DCTN4: variants seen among roughly 807,000 people sequenced by gnomAD.
DCTN4 encodes dynactin 4 (p62).
DCTN4 carries 23 observed loss-of-function variants against 62.7 expected under a neutral mutation model. The observed-to-expected ratio is 0.37, with a 90% CI of 0.26 to 0.52. DCTN4 has a LOEUF of 0.52. Among genes scored for constraint, DCTN4 ranks in the 20% least tolerant of loss-of-function variants. DCTN4 has a pLI of 0.92. For synonymous variants in DCTN4, 199 were observed against 202.1 expected, an observed-to-expected ratio of 0.98 and a Z score of 0.13; for missense variants, 514 against 580.4, an observed-to-expected ratio of 0.89 and a Z score of 1.18.
Position 150,716,759 on chromosome 5 carries a change from AC to A in DCTN4, c.1072-1098del, listed in dbSNP as rs1416243360. Among the ~76,000 whole-genome samples, 15 of 152,182 alleles carry A rather than the reference AC, an allele frequency of 9.9e-5. No individual in the cohort carries two copies. In the East Asian group the frequency reaches 2.1e-3, roughly 22 times the overall value. On this transcript the variant is annotated intron_variant, in intron 11 of 12. Transcript: ENST00000447998. ...AGGGTGAAACCCCGTCTCTACTAAA[AC>A]TGCAAAAAATTAGCCGGGCGTGGTG...
rs780471168 is a variant in DCTN4, at chr5:150,715,755, C to A, written c.1072-93G>T. 43 of 955,238 alleles carry A rather than the reference C, an allele frequency of 4.5e-5. No homozygotes were observed. The Middle Eastern group carries it at 6.4e-4, about 14-fold the overall frequency. The allele number at this position is 955,238 out of a possible 1,614,324, so 59.2% of individuals were successfully genotyped here. On this transcript the variant is annotated intron_variant, in intron 11 of 12. Transcript: ENST00000447998. ...ATTGATTTAGACAAATGGAAGCACA[C>A]AGCAAGTTTCAGGAAACATATACTA...
intron 3 of DCTN4, among the ~76,000 whole-genome samples, chr5:150,744,972 T>C (rs1760907054): frequency 1.3e-5 from 2 of 150,786 alleles, no homozygotes; most frequent in South Asian, 4.3e-4. Flanking sequence ...GACTAAATGC[T>C]CCAATTAAAA....
chr5:150,749,496 C>CA (rs1449156953), intron 3 of DCTN4, among the ~76,000 whole-genome samples: 1 of 152,010 alleles, frequency 6.6e-6, no homozygotes, highest in African/African-American at 2.4e-5. Context: ...GGGGAGGATC[C>CA]AAAATTGTTC....
At chr5:150,756,723 G>A (rs973508237) in intron 1 of DCTN4, among the ~76,000 whole-genome samples, 2 of 147,670 alleles carry the variant, frequency 1.4e-5, no homozygotes, top group African/African-American at 5.0e-5. Flanking sequence ...GGTTTTATGT[G>A]TTAAAAGTTG....
chr5:150,728,982 A>G (rs898818926), intron 8 of DCTN4, among the ~76,000 whole-genome samples: 17 of 144,328 alleles, frequency 1.2e-4, no homozygotes, highest in Admixed American at 7.8e-4. Context: ...GGCTCAAGCA[A>G]TTCTCCTGCC....
intron 9 of DCTN4, among the ~76,000 whole-genome samples, 180 bp downstream of exon 9, chr5:150,722,727 A>C (rs1561692014): frequency 6.6e-6 from 1 of 152,184 alleles, no homozygotes; most frequent in Non-Finnish European, 1.5e-5. Context: ...GAATCTATTT[A>C]TCTTAAACTT....
intron 9 of DCTN4, among the ~76,000 whole-genome samples, chr5:150,720,737 C>A (rs570523156): frequency 6.6e-6 from 1 of 152,256 alleles, no homozygotes; most frequent in South Asian, 2.1e-4. Context: ...CCTTGGCCTC[C>A]CCAAATGTTG....
chr5:150,723,921 G>A (rs1258664874), intron 8 of DCTN4, among the ~76,000 whole-genome samples: 2 of 152,070 alleles, frequency 1.3e-5, no homozygotes, highest in African/African-American at 2.4e-5. Context: ...GTGTCCCACT[G>A]TAACAATTTC....
chr5:150,747,426 T>A (rs936258834), intron 3 of DCTN4, among the ~76,000 whole-genome samples: 1 of 152,146 alleles, frequency 6.6e-6, no homozygotes, highest in Non-Finnish European at 1.5e-5. Flanking sequence ...CTTCACAGAA[T>A]TGGAAAAAAC....
At chr5:150,735,513 A>G (rs1760544918) in intron 4 of DCTN4, among the ~76,000 whole-genome samples, 2 of 152,356 alleles carry the variant, frequency 1.3e-5, no homozygotes, top group South Asian at 4.1e-4. Flanking sequence ...GACACTCCCC[A>G]GTACCAGCTC....
intron 3 of DCTN4, among the ~76,000 whole-genome samples, chr5:150,745,912 G>A (rs1474479094): frequency 1.3e-5 from 2 of 151,774 alleles, no homozygotes. Flanking sequence ...ACATTCAAAA[G>A]CTAGCAAAAG....
Position 150,721,949 on chromosome 5 carries a change from C to CA in DCTN4, c.908+957dup, listed in dbSNP as rs1759967784. 3.9e-5 allele frequency among the ~76,000 whole-genome samples: 6 copies of CA among 152,186 alleles called. No individual in the cohort carries two copies. The South Asian group carries it at 1.2e-3, about 32-fold the overall frequency. ...AAGGGGTCCTCTCACCTCAGACTCC[C>CA]AAGTAGCTAGGACTACAGGTGCATG... On this transcript the variant is annotated intron_variant, in intron 9 of 12. Transcript: ENST00000447998.
chr5:150,739,735 A>G (rs900720644), intron 4 of DCTN4, among the ~76,000 whole-genome samples: 10 of 152,240 alleles, frequency 6.6e-5, no homozygotes, highest in Admixed American at 6.5e-5. Flanking sequence ...ATAGGCACAC[A>G]GATCAATGAA....
intron 3 of DCTN4, among the ~76,000 whole-genome samples, chr5:150,750,460 T>C (rs1398625760): frequency 6.6e-6 from 1 of 152,340 alleles, no homozygotes; most frequent in Non-Finnish European, 1.5e-5. Context: ...CTTCTAGTTA[T>C]ATAGAAAAGT....
intron 9 of DCTN4, among the ~76,000 whole-genome samples, chr5:150,722,124 C>T (rs1208245855): frequency 1.3e-5 from 2 of 152,174 alleles, no homozygotes; most frequent in African/African-American, 4.8e-5. Context: ...CTGCACCTGG[C>T]TTTAATTTCA....
chr5:150,732,397 CGCCTCA>C (rs1431373526), intron 5 of DCTN4, among the ~76,000 whole-genome samples: 1 of 152,152 alleles, frequency 6.6e-6, no homozygotes, highest in Non-Finnish European at 1.5e-5. Context: ...GTGATCCCCC[CGCCTCA>C]GCCTCCCAAA....
At chr5:150,742,072 T>A (rs1760788583) in intron 4 of DCTN4, 42 bp downstream of exon 4, 1 of 1,584,972 alleles carries the variant, frequency 6.3e-7, no homozygotes. Context: ...TTACTCAATT[T>A]TTTCCGATTT....
At chr5:150,733,569 A>C in intron 4 of DCTN4, 94 bp from the exon 5 acceptor site, 2 of 769,144 alleles carry the variant, frequency 2.6e-6, no homozygotes, top group Non-Finnish European at 4.0e-6. Flanking sequence ...ATGAATAGAG[A>C]AGACAAATTA....
At chr5:150,751,516 A>G (rs1752674788) in intron 3 of DCTN4, among the ~76,000 whole-genome samples, 1 of 152,148 alleles carries the variant, frequency 6.6e-6, no homozygotes, top group Admixed American at 6.5e-5. Flanking sequence ...TGAAAAAACA[A>G]TACTTTAGTT....
Sources: allele counts gnomAD v4.1 joint callset (sites outside exome capture counted in the v4.1 genomes callset), GRCh38; gene constraint gnomAD v4.1.1; transcripts MANE v1.5; gene names NCBI Gene and HGNC (gene_info 2026-07-23, HGNC 2026-07-21).